Variants in FBLN1 observed in about 807,000 individuals in gnomAD.
FBLN1 encodes the protein fibulin-1.
A neutral mutation model predicts 89.7 loss-of-function variants in FBLN1; 34 were observed. That is an observed-to-expected ratio of 0.38 (90% CI 0.29 to 0.50). FBLN1 has a LOEUF of 0.50. Ranked by LOEUF, FBLN1 falls within the 20% of genes least tolerant of loss-of-function variation. The pLI is 0.92. For missense variants in FBLN1, 777 were observed against 988.1 expected (o/e 0.79, Z 2.86); for synonymous variants, 393 against 391.3 (o/e 1.00, Z -0.05).
chr22:45,560,080 CTG>C (rs942901801), intron 14 of FBLN1, among the ~76,000 whole-genome samples: 8 of 143,230 alleles, frequency 5.6e-5, no homozygotes, highest in African/African-American at 1.0e-4. Context: ...TCTAGGAACA[CTG>C]TGATTAATTA....
At position 45,579,933 on chromosome 22, in the gene FBLN1, C is replaced by T. The variant is rs982144635; in HGVS notation, c.1972+2825C>T. On this transcript the variant is annotated intron_variant, in intron 16 of 16. Coordinates refer to ENST00000327858, the MANE Select transcript of FBLN1 (RefSeq NM_006486.3). This position sits in a 1 kb window ranked among gnomAD's most constrained non-coding sequence, Gnocchi z 5.5. ...TCCACCTGGTAATAGATGGTTCCAC[C>T]GTTGGACTCGAGCCCAGCCTGAAGC... is the stretch of plus-strand genomic sequence containing the variant. Among the ~76,000 whole-genome samples the T allele has an allele frequency of 1.2e-4, 18 of 152,006 alleles. No individual in the cohort carries two copies. The highest frequency in any genetic ancestry group is 3.9e-4 in the African/African-American group (16 of 41,380).
chr22:45,590,083 C>G lies in FBLN1; in HGVS notation c.1973-10224C>G, dbSNP rs1414939302. 6.6e-6 allele frequency among the ~76,000 whole-genome samples: 1 copy of G among 152,204 alleles called. No individual in the cohort carries two copies. Among genetic ancestry groups the G allele is most frequent in the Non-Finnish European group, 1.5e-5 (1 of 68,030 alleles). On this transcript the variant is annotated intron_variant, in intron 16 of 16. Coordinates refer to ENST00000327858, the MANE Select transcript of FBLN1 (RefSeq NM_006486.3). The surrounding 1 kb of genome is among the most constrained non-coding windows in gnomAD (Gnocchi z 4.1). ...ACCAGGGCCAGGTGATGTTGGTAAC[C>G]CCAGCACCCAGCACTGCAGCCACCC...
At chr22:45,592,349 CAG>C (rs2089145754) in intron 16 of FBLN1, among the ~76,000 whole-genome samples, 1 of 152,128 alleles carries the variant, frequency 6.6e-6, no homozygotes, top group South Asian at 2.1e-4. Flanking sequence ...TTTTTTGAGA[CAG>C]AGTCTCGCTC....
chr22:45,535,151 C>A, intron 7 of FBLN1, 49 bp from the exon 8 acceptor site: 1 of 1,610,458 alleles, frequency 6.2e-7, no homozygotes, highest in Non-Finnish European at 8.5e-7. Context: ...TTGTAAGATG[C>A]TTCTGGCAGG....
chr22:45,585,491 A>G (rs1369630989), intron 16 of FBLN1, among the ~76,000 whole-genome samples: 1 of 152,208 alleles, frequency 6.6e-6, no homozygotes, highest in Non-Finnish European at 1.5e-5. Context: ...TCCACCTAAA[A>G]ACAACAGCGC....
chr22:45,587,675 A>G (rs958636698), intron 16 of FBLN1, among the ~76,000 whole-genome samples: 2 of 152,064 alleles, frequency 1.3e-5, no homozygotes, highest in African/African-American at 2.4e-5. Context: ...AGCCGCTTGC[A>G]TCTTACTCCT....
rs1199877704 is a variant in FBLN1 at position 45,574,628 on chromosome 22, C to T, written c.1815C>T (p.Thr605=). The T allele has an allele frequency of 1.2e-6, 2 of 1,614,084 alleles. No individual in the cohort carries two copies. The highest frequency in any genetic ancestry group is 1.7e-6 in the Non-Finnish European group (2 of 1,180,026). Residue 605 remains threonine (T), a synonymous_variant, in exon 15 of 17, where the codon ACC becomes ACT. Transcript: ENST00000327858. The surrounding 1 kb of genome is among the most constrained non-coding windows in gnomAD (Gnocchi z 4.1). ...CCCACACCGTCATCTCGCTGCCTAC[C>T]TTCCGCGAGTTCACCCGCCCTGAAG... ...TISHTVISLP[T]FREFTRPEEI... is the part of the protein sequence containing the mutation.
At chr22:45,507,025 C>T (rs2088030914) in intron 1 of FBLN1, among the ~76,000 whole-genome samples, 1 of 152,166 alleles carries the variant, frequency 6.6e-6, no homozygotes, top group South Asian at 2.1e-4. Context: ...CACATGTGGC[C>T]CTATAAGTAA....
rs1601549991 is a variant in FBLN1, at chr22:45,597,685, G to A, written c.1973-2622G>A. On this transcript the variant is annotated intron_variant, in intron 16 of 16. Coordinates refer to ENST00000327858, the MANE Select transcript of FBLN1 (RefSeq NM_006486.3). This position sits in a 1 kb window ranked among gnomAD's most constrained non-coding sequence, Gnocchi z 4.2. ...GTGACAGGCGCACGTCTTTTGCCGG[G>A]AGCTGAAGACGTTCATGGGCTTTCA... Among the ~76,000 whole-genome samples the A allele has an allele frequency of 6.6e-6, 1 of 152,152 alleles. No homozygotes were observed. Among genetic ancestry groups the A allele is most frequent in the Admixed American group, 6.5e-5 (1 of 15,276 alleles).
At position 45,542,299 on chromosome 22, in the gene FBLN1, C is replaced by G. The variant is rs375397217; in HGVS notation, c.1195+16C>G. Reference sequence around the variant, plus strand: ...ATGTGTGTCGGTGCGTGGGGGGCCCCGCAGGCCTCGGGGGAACCCAGCCAC... The same window carrying G: ...ATGTGTGTCGGTGCGTGGGGGGCCCGGCAGGCCTCGGGGGAACCCAGCCAC... On this transcript the variant is annotated intron_variant, in intron 10 of 16. Transcript: ENST00000327858. The G allele has an allele frequency of 6.2e-7, 1 of 1,613,454 alleles. No individual in the cohort carries two copies. The highest frequency in any genetic ancestry group is 8.5e-7 in the Non-Finnish European group (1 of 1,180,020).
chr22:45,535,406 C>T lies in FBLN1; in HGVS notation c.922+69C>T, dbSNP rs982955002. On this transcript the variant is annotated intron_variant, in intron 8 of 16. Coordinates refer to ENST00000327858, the MANE Select transcript of FBLN1 (RefSeq NM_006486.3). Reference sequence around the variant, plus strand: ...GCCAGCGACCTAGCCTTGGGGCAGGCCTCTAGAATCTGCGGGGCCGCATGG... The same window carrying T: ...GCCAGCGACCTAGCCTTGGGGCAGGTCTCTAGAATCTGCGGGGCCGCATGG... The T allele has an allele frequency of 1.6e-5, 26 of 1,590,470 alleles. No homozygotes were observed. In the African/African-American group the frequency reaches 3.4e-4, roughly 21 times the overall value.
chr22:45,507,806 G>A (rs1364658770), intron 1 of FBLN1, among the ~76,000 whole-genome samples: 1 of 152,178 alleles, frequency 6.6e-6, no homozygotes, highest in Non-Finnish European at 1.5e-5. Flanking sequence ...GGGATTACAG[G>A]CGTGAGCCAC....
rs189322271 is a variant in FBLN1 at position 45,568,936 on chromosome 22, C to T, written c.1698-5575C>T. Among the ~76,000 whole-genome samples the T allele has an allele frequency of 9.5e-4, 144 of 152,330 alleles. 1 individual carries two copies. The highest frequency in any genetic ancestry group is 8.3e-3 in the Admixed American group (127 of 15,310). On this transcript the variant is annotated intron_variant, in intron 14 of 16. Transcript: ENST00000327858. ...GGTGTTCCTTGGCTCGCAGCTACATCGCTGCAATCTCTGCCTTTGTCATCA... is the reference window on the plus strand; with the variant it reads ...GGTGTTCCTTGGCTCGCAGCTACATTGCTGCAATCTCTGCCTTTGTCATCA...
intron 1 of FBLN1, among the ~76,000 whole-genome samples, chr22:45,514,076 C>A (rs550099460): frequency 6.6e-6 from 1 of 152,222 alleles, no homozygotes; most frequent in East Asian, 1.9e-4. Flanking sequence ...AGCCACCGTA[C>A]CTGGCCAAGC....
At position 45,563,529 on chromosome 22, in the gene FBLN1, CTG is replaced by C. The variant is rs2088875037; in HGVS notation, c.1698-10979_1698-10978del. Reference sequence around the variant, plus strand: ...GGTCCCTGTTCACAGAGCCCACTGTCTGTGCCGACAGGGAGGCCAGGCCGGGT... The same window carrying C: ...GGTCCCTGTTCACAGAGCCCACTGTCTGCCGACAGGGAGGCCAGGCCGGGT... On this transcript the variant is annotated intron_variant, in intron 14 of 16. Coordinates refer to ENST00000327858, the MANE Select transcript of FBLN1 (RefSeq NM_006486.3). This position sits in a 1 kb window ranked among gnomAD's most constrained non-coding sequence, Gnocchi z 5.7. Among the ~76,000 whole-genome samples, 1 of 152,238 alleles carries C rather than the reference CTG, an allele frequency of 6.6e-6. No homozygotes were observed. The highest frequency in any genetic ancestry group is 2.4e-5 in the African/African-American group (1 of 41,470).
rs780525917 is a variant in FBLN1 at position 45,600,315 on chromosome 22, C to T, written c.1981C>T (p.Arg661Cys). The T allele has an allele frequency of 3.1e-6, 5 of 1,614,094 alleles. No homozygotes were observed. The highest frequency in any genetic ancestry group is 4.2e-6 in the Non-Finnish European group (5 of 1,180,050). The change falls in exon 17 of 17, where the codon CGC becomes TGC. Residue 661 changes from arginine (R) to cysteine (C), a missense_variant. By Grantham distance (180) the Arg-to-Cys change is radical. Transcript: ENST00000327858. ...YMDGMTVGVVRQVRPIVGPFH... is the reference protein window; with the variant it reads ...YMDGMTVGVVCQVRPIVGPFH... ...TTCTGCTCTCTCCGCAGGTGTCGTG[C>T]GCCAGGTGCGGCCCATCGTGGGCCC...
chr22:45,576,818 C>T lies in FBLN1; in HGVS notation c.1841-159C>T, dbSNP rs927490029. 5.3e-5 allele frequency among the ~76,000 whole-genome samples: 8 copies of T among 152,196 alleles called. No individual in the cohort carries two copies. The highest frequency in any genetic ancestry group is 1.4e-4 in the African/African-American group (6 of 41,442). The stretch of plus-strand genomic sequence containing the variant: ...ATATAGGAAGGTCCAGACCCCTCCA[C>T]CCTCCCCACACAGGGGATCTCTGGC... On this transcript the variant is annotated intron_variant, in intron 15 of 16. Coordinates refer to ENST00000327858, the MANE Select transcript of FBLN1 (RefSeq NM_006486.3). This position sits in a 1 kb window ranked among gnomAD's most constrained non-coding sequence, Gnocchi z 5.2.
chr22:45,542,134 G>A (rs1398508364), intron 9 of FBLN1, 21 bp from the exon 10 acceptor site: 3 of 1,614,102 alleles, frequency 1.9e-6, no homozygotes, highest in Non-Finnish European at 1.7e-6. Context: ...TTTCATCATG[G>A]CTTTCTTTCT....
chr22:45,521,834 G>T (rs750149461), intron 2 of FBLN1, among the ~76,000 whole-genome samples: 1 of 152,186 alleles, frequency 6.6e-6, no homozygotes, highest in African/African-American at 2.4e-5. Context: ...AATGAGTTTT[G>T]TATAGATTTT....
Sources: allele counts gnomAD v4.1 joint callset (sites outside exome capture counted in the v4.1 genomes callset), GRCh38; gene constraint gnomAD v4.1.1; non-coding constraint Gnocchi (gnomAD v3.1); transcripts MANE v1.5; gene names NCBI Gene and HGNC (gene_info 2026-07-23, HGNC 2026-07-21).